PTPRN2: variants seen among roughly 807,000 people sequenced by gnomAD.
PTPRN2 encodes the protein protein tyrosine phosphatase receptor type N2, also known as receptor-type tyrosine-protein phosphatase N2.
PTPRN2 carries 74 observed loss-of-function variants against 118.8 expected under a neutral mutation model. The ratio of observed to expected loss-of-function variants is 0.62; its 90% CI spans 0.52 to 0.76. The LOEUF (loss-of-function observed/expected upper bound fraction) is 0.76, where lower values mean the gene tolerates loss of function less well. Ranked by LOEUF, PTPRN2 falls within the 30% of genes least tolerant of loss-of-function variation. The pLI, the probability that PTPRN2 is intolerant of heterozygous loss-of-function variation, is 0.00. For missense variants in PTPRN2, 1,481 were observed against 1,394.4 expected, an observed-to-expected ratio of 1.06 and a Z score of -0.99; for synonymous variants, 641 against 608.0, an observed-to-expected ratio of 1.05 and a Z score of -0.80.
At chr7:158,280,160 A>T (rs1799323237) in intron 3 of PTPRN2, among the ~76,000 whole-genome samples, 1 of 152,220 alleles carries the variant, frequency 6.6e-6, no homozygotes, top group African/African-American at 2.4e-5. Flanking sequence ...GCATAATATG[A>T]ATTGTGTCCC....
At chr7:158,151,071 A>C (rs370132406) in intron 6 of PTPRN2, among the ~76,000 whole-genome samples, 8 of 105,286 alleles carry the variant, frequency 7.6e-5, no homozygotes, top group Non-Finnish European at 1.2e-4. Context: ...CCGCCTTTCC[A>C]CTCTTGCCCC....
At chr7:158,284,169 G>A (rs1799618802) in intron 3 of PTPRN2, among the ~76,000 whole-genome samples, 1 of 152,232 alleles carries the variant, frequency 6.6e-6, no homozygotes, top group Non-Finnish European at 1.5e-5. Flanking sequence ...GTGCACAGGT[G>A]CAATCCAAGT....
At chr7:158,443,348 G>A (rs544882210) in intron 2 of PTPRN2, among the ~76,000 whole-genome samples, 106 of 152,368 alleles carry the variant, frequency 7.0e-4, no homozygotes, top group Middle Eastern at 3.4e-3. Context: ...GGAAATCCAA[G>A]GGTAGGTTTA....
chr7:157,972,231 C>T (rs1210158628), intron 11 of PTPRN2, among the ~76,000 whole-genome samples: 3 of 152,212 alleles, frequency 2.0e-5, no homozygotes, highest in Non-Finnish European at 2.9e-5. Flanking sequence ...TAACGAAAAT[C>T]GTGTCAAAAC....
chr7:158,351,121 T>G (rs547543753), intron 2 of PTPRN2, among the ~76,000 whole-genome samples: 1 of 152,304 alleles, frequency 6.6e-6, no homozygotes, highest in African/African-American at 2.4e-5. Context: ...CAAACTGTTA[T>G]GCGGGAGGCA....
intron 2 of PTPRN2, among the ~76,000 whole-genome samples, chr7:158,425,332 G>A (rs534256421): frequency 1.2e-3 from 143 of 121,044 alleles, no homozygotes; most frequent in African/African-American, 4.8e-3. Flanking sequence ...GACCAGCCTA[G>A]CTGAGGCCTG....
chr7:157,745,434 G>C (rs555890862), intron 12 of PTPRN2, among the ~76,000 whole-genome samples: 1 of 151,884 alleles, frequency 6.6e-6, no homozygotes, highest in Non-Finnish European at 1.5e-5. Context: ...GAGGCAGGTT[G>C]GGGGAGAGGA....
At chr7:157,754,813 G>A (rs939201171) in intron 12 of PTPRN2, among the ~76,000 whole-genome samples, 1 of 152,256 alleles carries the variant, frequency 6.6e-6, no homozygotes, top group Non-Finnish European at 1.5e-5. Context: ...GAGCTGCAGA[G>A]AAAGGAAGGT....
chr7:158,314,846 G>A (rs1258624059), intron 3 of PTPRN2, among the ~76,000 whole-genome samples: 1 of 149,402 alleles, frequency 6.7e-6, no homozygotes, highest in Non-Finnish European at 1.5e-5. Context: ...AAGGACAGAG[G>A]TGAACCCGGA....
intron 3 of PTPRN2, among the ~76,000 whole-genome samples, chr7:158,258,728 C>T (rs944936941): frequency 1.3e-5 from 2 of 152,342 alleles, no homozygotes; most frequent in South Asian, 4.1e-4. Context: ...GCTGGAATGG[C>T]ATCCAGGGTT....
intron 11 of PTPRN2, among the ~76,000 whole-genome samples, chr7:157,948,889 T>C (rs1388326192): frequency 3.3e-5 from 5 of 152,210 alleles, no homozygotes; most frequent in Non-Finnish European, 5.9e-5. Flanking sequence ...TCCACTTATA[T>C]GCAGATTTTT....
chr7:158,332,642 C>A (rs1320677748), intron 2 of PTPRN2, among the ~76,000 whole-genome samples: 41 of 147,894 alleles, frequency 2.8e-4, no homozygotes, highest in African/African-American at 9.3e-4. Flanking sequence ...CACACTGTCA[C>A]CATAAGAGCT....
intron 10 of PTPRN2, among the ~76,000 whole-genome samples, chr7:158,082,450 C>T (rs746410261): frequency 1.3e-5 from 2 of 152,218 alleles, no homozygotes; most frequent in Non-Finnish European, 2.9e-5. Context: ...GATTTTTGCT[C>T]ATTCTCCCAG....
At chr7:157,781,987 C>T (rs1477828026) in intron 12 of PTPRN2, among the ~76,000 whole-genome samples, 1 of 152,260 alleles carries the variant, frequency 6.6e-6, no homozygotes, top group Non-Finnish European at 1.5e-5. Flanking sequence ...CACCACTGTC[C>T]TCCAAGCTTG....
intron 12 of PTPRN2, among the ~76,000 whole-genome samples, chr7:157,802,180 G>A (rs1255832933): frequency 2.0e-5 from 3 of 152,176 alleles, no homozygotes; most frequent in Non-Finnish European, 4.4e-5. Context: ...GGCAGATGTC[G>A]AGACCGCGTT....
chr7:158,129,494 A>ACAC (rs1554549020), intron 9 of PTPRN2, among the ~76,000 whole-genome samples: 17 of 146,674 alleles, frequency 1.2e-4, no homozygotes, highest in Middle Eastern at 3.5e-3. Flanking sequence ...CAGCACACAC[A>ACAC]CACACCATGC....
chr7:157,803,361 C>G (rs1434979391), intron 12 of PTPRN2, among the ~76,000 whole-genome samples: 4 of 152,216 alleles, frequency 2.6e-5, no homozygotes, highest in Non-Finnish European at 5.9e-5. Flanking sequence ...CACACACCCA[C>G]CACTCACCCT....
chr7:158,385,190 C>T (rs996835033), intron 2 of PTPRN2, among the ~76,000 whole-genome samples: 1 of 152,150 alleles, frequency 6.6e-6, no homozygotes, highest in African/African-American at 2.4e-5. Context: ...CTTTGTAAAC[C>T]AATCATACCA....
At chr7:157,984,759 C>G (rs1376998429) in intron 11 of PTPRN2, among the ~76,000 whole-genome samples, 2 of 152,202 alleles carry the variant, frequency 1.3e-5, no homozygotes. Context: ...GACATGGGCT[C>G]TTATCCCACC....
Sources: allele counts gnomAD v4.1 joint callset (sites outside exome capture counted in the v4.1 genomes callset), GRCh38; gene constraint gnomAD v4.1.1; transcripts MANE v1.5; gene names NCBI Gene and HGNC (gene_info 2026-07-23, HGNC 2026-07-21).